Variants in TRPM6 observed in about 807,000 individuals in gnomAD.
TRPM6 encodes the protein channel kinase 2.
TRPM6 carries 111 observed loss-of-function variants against 247.6 expected under a neutral mutation model. The observed-to-expected ratio is 0.45, with a 90% confidence interval of 0.38 to 0.52. The LOEUF (loss-of-function observed/expected upper bound fraction) is 0.52. Ranked by LOEUF, TRPM6 falls within the 20% of genes least tolerant of loss-of-function variation. TRPM6 has a pLI of 0.00. For missense variants in TRPM6, 2,126 were observed against 2,421.5 expected (o/e 0.88, Z 2.56); for synonymous variants, 892 against 853.8 (o/e 1.04, Z -0.78).
chr9:74,778,081 C>T (rs971415000), intron 23 of TRPM6, among the ~76,000 whole-genome samples: 22 of 152,228 alleles, frequency 1.4e-4, no homozygotes, highest in Middle Eastern at 3.2e-3. Context: ...AAGGAGACCT[C>T]CAGCTGTCCC....
intron 1 of TRPM6, among the ~76,000 whole-genome samples, chr9:74,873,940 A>C (rs1831108359): frequency 6.6e-6 from 1 of 152,100 alleles, no homozygotes; most frequent in East Asian, 1.9e-4. Context: ...TTTTAATAGA[A>C]TTAGGGCAGT....
chr9:74,858,278 T>G lies in TRPM6; in HGVS notation c.113+391A>C, dbSNP rs1830588134. On this transcript the variant is annotated intron_variant, in intron 2 of 38. Coordinates refer to ENST00000360774, the MANE Select transcript of TRPM6 (RefSeq NM_017662.5). ...GGCAGGTGCCTGTAATCCCAGCTAC[T>G]CGGGAGGTTGAGGCAGGAGAATCAC... Among the ~76,000 whole-genome samples, 10 of 152,270 alleles carry G rather than the reference T, an allele frequency of 6.6e-5. No individual in the cohort carries two copies. The South Asian group carries it at 2.1e-3, about 32-fold the overall frequency.
chr9:74,878,024 G>C (rs1282438650), intron 1 of TRPM6, among the ~76,000 whole-genome samples: 1 of 152,046 alleles, frequency 6.6e-6, no homozygotes, highest in South Asian at 2.1e-4. Context: ...CACCACAGTT[G>C]GCACCTGAGC....
intron 6 of TRPM6, among the ~76,000 whole-genome samples, chr9:74,829,213 A>T (rs1000547276): frequency 4.6e-5 from 7 of 152,014 alleles, no homozygotes; most frequent in African/African-American, 1.7e-4. Context: ...AATCACTTGA[A>T]CCTGGGAGGT....
chr9:74,774,676 T>C (rs1827157534), intron 24 of TRPM6, among the ~76,000 whole-genome samples: 1 of 152,202 alleles, frequency 6.6e-6, no homozygotes. Flanking sequence ...CAGAGTATTT[T>C]AGAATTCAGA....
intron 3 of TRPM6, among the ~76,000 whole-genome samples, chr9:74,848,830 T>TTAACTGCTATA (rs1295228401): frequency 1.3e-5 from 2 of 152,206 alleles, no homozygotes; most frequent in African/African-American, 4.8e-5. Flanking sequence ...ATATATCTGC[T>TTAACTGCTATA]TATCTGATGA....
chr9:74,751,477 A>G (rs1023215536), intron 29 of TRPM6, among the ~76,000 whole-genome samples: 1 of 152,238 alleles, frequency 6.6e-6, no homozygotes, highest in Non-Finnish European at 1.5e-5. Context: ...AAAATCTTTC[A>G]CAGATGCTAT....
intron 1 of TRPM6, among the ~76,000 whole-genome samples, chr9:74,879,218 C>T (rs1022645115): frequency 6.6e-6 from 1 of 151,482 alleles, no homozygotes; most frequent in Admixed American, 6.6e-5. Context: ...TAGACTCAAT[C>T]AAGCAGAAAG....
chr9:74,819,268 C>A (rs1434876958), intron 9 of TRPM6, among the ~76,000 whole-genome samples: 1 of 151,318 alleles, frequency 6.6e-6, no homozygotes, highest in Non-Finnish European at 1.5e-5. Flanking sequence ...AAGATCTCGC[C>A]ACTGCACTCC....
intron 23 of TRPM6, among the ~76,000 whole-genome samples, chr9:74,779,701 T>C (rs1011453805): frequency 4.6e-5 from 7 of 152,242 alleles, no homozygotes; most frequent in African/African-American, 1.4e-4. Context: ...TTGAGGTAAA[T>C]TGCTTGCTTC....
chr9:74,784,216 T>G (rs912454588), intron 21 of TRPM6, among the ~76,000 whole-genome samples: 10 of 149,038 alleles, frequency 6.7e-5, no homozygotes, highest in Non-Finnish European at 5.9e-5. Context: ...TGAGCAGAGA[T>G]TGCGCCACTG....
intron 3 of TRPM6, 74 bp downstream of exon 3, chr9:74,855,453 T>C: frequency 2.0e-6 from 2 of 1,021,288 alleles, no homozygotes; most frequent in South Asian, 1.3e-5. Context: ...ATTCAAGATA[T>C]GAGGAAACTG....
chr9:74,727,381 CAAAAAAA>C lies in TRPM6; in HGVS notation c.5935+851_5935+857del, dbSNP rs763828073. On this transcript the variant is annotated intron_variant, in intron 38 of 38. Transcript: ENST00000360774. The stretch of plus-strand genomic sequence containing the variant: ...TGGGCGACAGAGTGAGACTCCGTCT[CAAAAAAA>C]AAAAAAAAAAAAAAAAGAAATCTCC... Among the ~76,000 whole-genome samples, 77 of 52,250 alleles carry C rather than the reference CAAAAAAA, an allele frequency of 1.5e-3. 1 individual carries two copies. The highest frequency in any genetic ancestry group is 8.8e-3 in the Admixed American group (46 of 5,218). 34.3% of individuals were successfully genotyped at this position (52,250 alleles called of 152,430 possible). A position where few individuals can be genotyped will look rare whatever the true frequency, so the allele number is the denominator to read the frequency against.
intron 23 of TRPM6, among the ~76,000 whole-genome samples, chr9:74,776,687 A>G (rs1827234665): frequency 6.6e-6 from 1 of 152,214 alleles, no homozygotes; most frequent in Non-Finnish European, 1.5e-5. Flanking sequence ...GTGAATGTTG[A>G]TATTATAGAA....
chr9:74,758,514 A>G (rs1290681180), intron 27 of TRPM6, among the ~76,000 whole-genome samples: 1 of 152,206 alleles, frequency 6.6e-6, no homozygotes, highest in Non-Finnish European at 1.5e-5. Flanking sequence ...CTGTAAAATA[A>G]CAAAATCAAA....
chr9:74,853,176 G>A (rs371238914), intron 3 of TRPM6, among the ~76,000 whole-genome samples: 2 of 151,388 alleles, frequency 1.3e-5, no homozygotes, highest in Non-Finnish European at 2.9e-5. Flanking sequence ...GTCTCTGCCC[G>A]GCCGCCCCGT....
rs1418913491 is a variant in TRPM6, at chr9:74,802,007, C to G, written c.1900G>C (p.Ala634Pro). 1 of 1,614,202 alleles carries G rather than the reference C, an allele frequency of 6.2e-7. No homozygotes were observed. ...CACGCAATCACGGCTTTAACCGTGG[C>G]CTCCTCTCCATGCTGCCAGAAGAAC... The part of the protein sequence containing the change: ...AMFFWQHGEE[A>P]TVKAVIACIL... The change falls in exon 16 of 39, where the codon GCC (alanine) becomes CCC (proline). Residue 634 changes from alanine to proline, a missense_variant. Ala to Pro is a conservative substitution (Grantham distance 27). Coordinates refer to ENST00000360774, the MANE Select transcript of TRPM6 (RefSeq NM_017662.5).
At chr9:74,787,287 A>T (rs1827716440) in intron 20 of TRPM6, among the ~76,000 whole-genome samples, 1 of 150,924 alleles carries the variant, frequency 6.6e-6, no homozygotes, top group African/African-American at 2.4e-5. Context: ...GTGAGCCGAG[A>T]TCTCACCACT....
chr9:74,795,016 T>G (rs998419293), intron 18 of TRPM6, among the ~76,000 whole-genome samples: 29 of 152,266 alleles, frequency 1.9e-4, no homozygotes, highest in African/African-American at 6.5e-4. Context: ...ATAGATTTTG[T>G]TATACAACTT....
Sources: allele counts gnomAD v4.1 joint callset (sites outside exome capture counted in the v4.1 genomes callset), GRCh38; gene constraint gnomAD v4.1.1; transcripts MANE v1.5; gene names NCBI Gene and HGNC (gene_info 2026-07-23, HGNC 2026-07-21).